Variants in F13A1 observed in about 807,000 individuals in gnomAD.
F13A1 encodes FSF, A subunit.
A neutral mutation model predicts 80.1 loss-of-function variants in F13A1; 47 were observed. The ratio of observed to expected loss-of-function variants is 0.59; its 90% CI spans 0.46 to 0.75. F13A1 has a LOEUF of 0.75. Among genes scored for constraint, F13A1 ranks in the 30% least tolerant of loss-of-function variants. The pLI, the probability that F13A1 is intolerant of heterozygous loss-of-function variation, is 0.00. For missense variants in F13A1, 817 were observed against 930.4 expected, an observed-to-expected ratio of 0.88 and a Z score of 1.59; for synonymous variants, 349 against 344.9, an observed-to-expected ratio of 1.01 and a Z score of -0.13.
chr6:6,303,159 T>G (rs537480442), intron 3 of F13A1, among the ~76,000 whole-genome samples: 2 of 152,220 alleles, frequency 1.3e-5, no homozygotes, highest in African/African-American at 4.8e-5. Flanking sequence ...TATGTCCTAC[T>G]AAATATTTTT....
At chr6:6,210,324 GATATAT>G (rs34960466) in intron 8 of F13A1, among the ~76,000 whole-genome samples, 1,919 of 82,882 alleles carry the variant, frequency 0.023, 166 homozygotes, top group African/African-American at 0.088. Context: ...TGTAGCATGT[GATATAT>G]ATATATATAT....
chr6:6,248,514 T>G lies in F13A1; in HGVS notation c.691-95A>C, dbSNP rs1757585526. On this transcript the variant is annotated intron_variant, in intron 5 of 14. Transcript: ENST00000264870. ...ATAACATGAAACCACAACCTAATGT[T>G]TAGAAATGTGTGTTTCCTGTATAGT... 5.4e-6 allele frequency: 5 copies of G among 933,722 alleles called. 1 individual carries two copies. Among genetic ancestry groups the G allele is most frequent in the Non-Finnish European group, 8.4e-6 (5 of 594,756 alleles). 57.8% of individuals were successfully genotyped at this position (933,722 alleles called of 1,614,324 possible).
At chr6:6,227,930 A>G (rs1045424655) in intron 6 of F13A1, among the ~76,000 whole-genome samples, 3 of 152,228 alleles carry the variant, frequency 2.0e-5, no homozygotes, top group Non-Finnish European at 4.4e-5. Flanking sequence ...TAATTAGAAC[A>G]TTGATTTCTA....
chr6:6,150,087 G>A (rs1451764132), intron 14 of F13A1, among the ~76,000 whole-genome samples: 1 of 152,158 alleles, frequency 6.6e-6, no homozygotes, highest in African/African-American at 2.4e-5. Context: ...TGACCAAGGT[G>A]GAATTCTAGG....
chr6:6,167,436 A>G (rs1760696092), intron 13 of F13A1, 22 bp downstream of exon 13: 1 of 1,612,502 alleles, frequency 6.2e-7, no homozygotes, highest in Non-Finnish European at 8.5e-7. Context: ...TCTCTGTTCC[A>G]GGATGAGACG....
chr6:6,240,753 C>T (rs906183849), intron 6 of F13A1, among the ~76,000 whole-genome samples: 1 of 152,104 alleles, frequency 6.6e-6, no homozygotes, highest in African/African-American at 2.4e-5. Context: ...ATGAAAATCC[C>T]TGGTGAATAA....
intron 8 of F13A1, among the ~76,000 whole-genome samples, chr6:6,207,253 A>T (rs1761505603): frequency 6.6e-6 from 1 of 152,178 alleles, no homozygotes; most frequent in South Asian, 2.1e-4. Flanking sequence ...ATGAGTTTTG[A>T]ACACTCCGAA....
intron 6 of F13A1, among the ~76,000 whole-genome samples, chr6:6,239,503 G>C (rs1286732779): frequency 6.6e-6 from 1 of 152,018 alleles, no homozygotes; most frequent in East Asian, 1.9e-4. Context: ...GTAATGAATA[G>C]TATGAAGCAT....
chr6:6,285,483 G>C (rs1758124807), intron 3 of F13A1, among the ~76,000 whole-genome samples: 1 of 152,250 alleles, frequency 6.6e-6, no homozygotes. Context: ...GGCTAAGCTA[G>C]GCTTTAGCCA....
chr6:6,218,787 A>G (rs1196769412), intron 8 of F13A1, among the ~76,000 whole-genome samples: 2 of 152,192 alleles, frequency 1.3e-5, no homozygotes, highest in African/African-American at 2.4e-5. Context: ...TGCAGTAGTA[A>G]GGCGAGAAGG....
intron 7 of F13A1, among the ~76,000 whole-genome samples, chr6:6,223,496 C>T (rs1344559058): frequency 1.3e-5 from 2 of 152,138 alleles, no homozygotes; most frequent in Admixed American, 1.3e-4. Flanking sequence ...CAACCTTTAA[C>T]CTACCATGAA....
intron 2 of F13A1, among the ~76,000 whole-genome samples, chr6:6,308,889 A>G (rs1337866064): frequency 6.6e-6 from 1 of 151,884 alleles, no homozygotes. Flanking sequence ...CTCCCTTAAA[A>G]CACATTCTAA....
intron 13 of F13A1, among the ~76,000 whole-genome samples, chr6:6,160,483 C>T (rs1311180198): frequency 2.0e-5 from 3 of 151,824 alleles, no homozygotes; most frequent in South Asian, 2.1e-4. Flanking sequence ...GTTACAGGCA[C>T]GCACCACTAC....
chr6:6,300,609 A>G (rs889823995), intron 3 of F13A1, among the ~76,000 whole-genome samples: 1 of 152,090 alleles, frequency 6.6e-6, no homozygotes, highest in Non-Finnish European at 1.5e-5. Context: ...GCTCGCGCAC[A>G]GTGCACGCAC....
intron 13 of F13A1, among the ~76,000 whole-genome samples, chr6:6,156,281 A>G (rs556324891): frequency 7.8e-4 from 119 of 152,236 alleles, no homozygotes; most frequent in Non-Finnish European, 1.5e-3. Flanking sequence ...ATTCTTTGGT[A>G]AACAAGAAAG....
intron 2 of F13A1, among the ~76,000 whole-genome samples, chr6:6,307,315 A>G (rs1194406114): frequency 2.0e-5 from 3 of 151,974 alleles, no homozygotes; most frequent in African/African-American, 4.8e-5. Context: ...ACCCTGTTGT[A>G]TACATGTTCC....
chr6:6,305,562 T>G, intron 2 of F13A1, 23 bp from the exon 3 acceptor site: 1 of 1,612,420 alleles, frequency 6.2e-7, no homozygotes, highest in Non-Finnish European at 8.5e-7. Context: ...AAAACAAGGG[T>G]TGAAGAAAAT....
At position 6,250,907 on chromosome 6, in the gene F13A1, A is replaced by G; in HGVS notation, c.594T>C (p.Asn198=). The change falls in exon 5 of 15, where the codon AAT becomes AAC. Residue 198 remains asparagine, a synonymous_variant. Coordinates refer to ENST00000264870, the MANE Select transcript of F13A1 (RefSeq NM_000129.4). This position sits in a 1 kb window ranked among gnomAD's most constrained non-coding sequence, Gnocchi z 4.2. The stretch of plus-strand genomic sequence containing the variant: ...GGACATACTCTTCTCTTTCTTTCTC[A>G]TTGTCCAGATACACAGCATCATCTG... ...WCEDDAVYLD[N]EKEREEYVLN... The G allele has an allele frequency of 3.1e-6, 5 of 1,612,224 alleles. No individual in the cohort carries two copies. Among genetic ancestry groups the G allele is most frequent in the South Asian group, 2.2e-5 (2 of 91,050 alleles).
chr6:6,172,833 T>TACTTTTTAA (rs1760800679), intron 12 of F13A1, among the ~76,000 whole-genome samples: 1 of 152,156 alleles, frequency 6.6e-6, no homozygotes, highest in Non-Finnish European at 1.5e-5. Flanking sequence ...TCCTTGGAAT[T>TACTTTTTAA]AGGATTTTAA....
Sources: gnomAD v4.1 joint callset for allele counts (sites outside exome capture counted in the v4.1 genomes callset) on GRCh38, gnomAD v4.1.1 for gene constraint, Gnocchi (gnomAD v3.1) non-coding constraint, MANE v1.5 for transcripts, NCBI Gene and HGNC (gene_info 2026-07-23, HGNC 2026-07-21) for gene names.